Variants in ELMO1 observed in about 807,000 individuals in gnomAD.
ELMO1 encodes engulfment and cell motility protein 1.
Under a neutral mutation model 98.9 loss-of-function variants are expected in ELMO1, and 26 were observed. The ratio of observed to expected loss-of-function variants is 0.26; its 90% CI spans 0.19 to 0.36. ELMO1 has a LOEUF of 0.36. ELMO1 is among the 10% of genes least tolerant of loss of function. The pLI is 1.00. For synonymous variants in ELMO1, 346 were observed against 346.0 expected (o/e 1.00, Z 0.00); for missense variants, 627 against 935.2 (o/e 0.67, Z 4.30).
intron 1 of ELMO1, among the ~76,000 whole-genome samples, chr7:37,391,062 C>T (rs142936982): frequency 5.0e-4 from 53 of 105,296 alleles, no homozygotes; most frequent in Middle Eastern, 4.0e-3. Flanking sequence ...CTTCCTTCCT[C>T]CCTCCCTCCC....
In ELMO1 at chr7:37,399,803, G is replaced by A. The variant is rs541161192; in HGVS notation, c.-74+48872C>T. 8.5e-5 allele frequency among the ~76,000 whole-genome samples: 13 copies of A among 152,224 alleles called. No individual in the cohort carries two copies. The South Asian group carries it at 2.1e-3, about 24-fold the overall frequency. ...GTATAATTTCAATCCTCAATTTCCC[G>A]TGACTTGAAGTGGGAGTAATACTAT... On this transcript the variant is annotated intron_variant, in intron 1 of 21. Transcript: ENST00000310758.
chr7:37,409,057 G>A (rs2131490068), intron 1 of ELMO1, among the ~76,000 whole-genome samples: 1 of 151,072 alleles, frequency 6.6e-6, no homozygotes, highest in South Asian at 2.1e-4. Context: ...GGAAAGCACA[G>A]AGTTCAGAAC....
intron 13 of ELMO1, among the ~76,000 whole-genome samples, chr7:37,156,343 G>T (rs141635367): frequency 6.6e-6 from 1 of 152,050 alleles, no homozygotes; most frequent in African/African-American, 2.4e-5. Flanking sequence ...AGGAGACAGA[G>T]ATACAAAAAA....
At chr7:37,147,277 C>G (rs1017600352) in intron 13 of ELMO1, among the ~76,000 whole-genome samples, 1 of 152,118 alleles carries the variant, frequency 6.6e-6, no homozygotes, top group African/African-American at 2.4e-5. Context: ...AGATTCTAAG[C>G]CCCCTGGATT....
intron 16 of ELMO1, chr7:37,002,030 C>T (rs1792709449): frequency 6.6e-6 from 1 of 152,206 alleles, no homozygotes; most frequent in South Asian, 2.1e-4. Context: ...TGCTGTGTAA[C>T]AAACAACTCC....
intron 4 of ELMO1, among the ~76,000 whole-genome samples, chr7:37,273,111 A>C (rs1204141582): frequency 2.0e-5 from 3 of 152,250 alleles, no homozygotes; most frequent in Non-Finnish European, 4.4e-5. Context: ...TGTTGCCTTG[A>C]AGTTAAGCAC....
chr7:37,204,261 A>T (rs746843976), intron 13 of ELMO1: 15 of 454,564 alleles, frequency 3.3e-5, no homozygotes, highest in South Asian at 2.3e-4. Context: ...GTTCTTAAAG[A>T]TGGTGTGTCC....
chr7:37,018,385 C>T (rs1181936878), intron 15 of ELMO1, among the ~76,000 whole-genome samples: 2 of 152,078 alleles, frequency 1.3e-5, no homozygotes, highest in African/African-American at 2.4e-5. Flanking sequence ...CTCACCCTCC[C>T]AAAGTGCTGG....
rs568479142 is a variant in ELMO1, at chr7:37,193,955, T to C, written c.1086+17431A>G. Among the ~76,000 whole-genome samples, 5 of 152,270 alleles carry C rather than the reference T, an allele frequency of 3.3e-5. No homozygotes were observed. In the South Asian group the frequency reaches 1.0e-3, roughly 32 times the overall value. The stretch of plus-strand genomic sequence containing the variant: ...CACCCGGTGCTGCCTCAGCAACTTG[T>C]CCCTCTAAATACATCTCACTGGCAC... On this transcript the variant is annotated intron_variant, in intron 13 of 21. Transcript: ENST00000310758.
intron 2 of ELMO1, among the ~76,000 whole-genome samples, chr7:37,330,594 C>T (rs781498621): frequency 6.6e-6 from 1 of 152,164 alleles, no homozygotes; most frequent in Non-Finnish European, 1.5e-5. Context: ...TATCTTCCAC[C>T]CCCAAATTTT....
intron 16 of ELMO1, among the ~76,000 whole-genome samples, chr7:36,991,163 T>A (rs1423878216): frequency 6.6e-6 from 1 of 152,198 alleles, no homozygotes; most frequent in Non-Finnish European, 1.5e-5. Flanking sequence ...TCAGGGTACT[T>A]AGCCTCATGA....
intron 15 of ELMO1, among the ~76,000 whole-genome samples, chr7:37,071,965 CTCTTCAGCTGG>C (rs1797296398): frequency 6.6e-6 from 1 of 152,114 alleles, no homozygotes; most frequent in African/African-American, 2.4e-5. Context: ...TTCAGGAGAG[CTCTTCAGCTGG>C]GAGCTGAAGC....
chr7:37,099,901 C>T (rs941691415), intron 14 of ELMO1, among the ~76,000 whole-genome samples: 2 of 150,836 alleles, frequency 1.3e-5, no homozygotes, highest in East Asian at 3.9e-4. Flanking sequence ...GGCATAATCT[C>T]GGCTCGCTGC....
At chr7:37,415,438 A>G (rs1804172693) in intron 1 of ELMO1, among the ~76,000 whole-genome samples, 1 of 152,228 alleles carries the variant, frequency 6.6e-6, no homozygotes, top group South Asian at 2.1e-4. Context: ...AGACTACGTG[A>G]GTTCAACTCT....
intron 1 of ELMO1, among the ~76,000 whole-genome samples, chr7:37,392,097 G>A (rs1226233766): frequency 6.6e-6 from 1 of 152,160 alleles, no homozygotes; most frequent in East Asian, 1.9e-4. Context: ...GCAACCCGGG[G>A]AAGTTAAAGA....
chr7:36,997,238 C>T (rs1792289084), intron 16 of ELMO1, among the ~76,000 whole-genome samples: 1 of 151,950 alleles, frequency 6.6e-6, no homozygotes, highest in African/African-American at 2.4e-5. Flanking sequence ...CTTTTAAGAC[C>T]AGAAAAAAAA....
intron 5 of ELMO1, among the ~76,000 whole-genome samples, chr7:37,265,256 C>T (rs1205503169): frequency 6.6e-6 from 1 of 152,130 alleles, no homozygotes; most frequent in Non-Finnish European, 1.5e-5. Flanking sequence ...AGCTCTTCCC[C>T]TCAGCTCTGG....
At chr7:37,270,898 C>CACACACACAG (rs1796517572) in intron 5 of ELMO1, 1 of 144,910 alleles carries the variant, frequency 6.9e-6, no homozygotes, top group Non-Finnish European at 1.5e-5. Context: ...CACACACACA[C>CACACACACAG]ACACAGACAC....
At chr7:37,324,941 C>G (rs2700999) in intron 2 of ELMO1, among the ~76,000 whole-genome samples, 91,146 of 152,010 alleles carry the variant, frequency 0.6, 28,156 homozygotes, top group Non-Finnish European at 0.69. Context: ...ACCTGGGCTT[C>G]TTACTTCTCT....
Sources: allele counts gnomAD v4.1 joint callset (sites outside exome capture counted in the v4.1 genomes callset), GRCh38; gene constraint gnomAD v4.1.1; transcripts MANE v1.5; gene names NCBI Gene and HGNC (gene_info 2026-07-23, HGNC 2026-07-21).